The following ARL6 variants were observed in gnomAD, a reference collection of about 807,000 sequenced individuals.
ARL6 encodes the protein ARF like GTPase 6, also known as ADP-ribosylation factor-like protein 6.
ARL6 carries 18 observed loss-of-function variants against 27.1 expected under a neutral mutation model. The observed-to-expected ratio is 0.66, with a 90% confidence interval of 0.46 to 0.98. ARL6 has a LOEUF of 0.98. Among genes scored for constraint, ARL6 ranks in the 50% least tolerant of loss-of-function variants. The probability of loss-of-function intolerance (pLI) is 0.00; values close to 1 mark genes in which losing one functional copy is unlikely to be tolerated. For synonymous variants in ARL6, 65 were observed against 72.3 expected (o/e 0.90, Z 0.51); for missense variants, 187 against 214.9 (o/e 0.87, Z 0.81).
chr3:97,769,384 A>G (rs892403602), intron 2 of ARL6, among the ~76,000 whole-genome samples: 5 of 151,888 alleles, frequency 3.3e-5, no homozygotes, highest in Admixed American at 6.6e-5. Flanking sequence ...TCCACTACCA[A>G]TCTTTATTGT....
At chr3:97,786,231 T>C (rs2037453101) in intron 5 of ARL6, among the ~76,000 whole-genome samples, 1 of 151,618 alleles carries the variant, frequency 6.6e-6, no homozygotes, top group African/African-American at 2.4e-5. Flanking sequence ...TGTAATCCCA[T>C]ATGCTCAGGA....
intron 7 of ARL6, among the ~76,000 whole-genome samples, chr3:97,794,176 T>TG (rs1366356928): frequency 1.6e-4 from 20 of 122,076 alleles, no homozygotes; most frequent in East Asian, 1.4e-3. Context: ...TTTTCTTTCT[T>TG]TTGTGTGTGT....
chr3:97,792,268 C>T (rs576519942), intron 7 of ARL6, among the ~76,000 whole-genome samples: 11 of 152,096 alleles, frequency 7.2e-5, no homozygotes, highest in Non-Finnish European at 1.2e-4. Flanking sequence ...CCGAGGCAGG[C>T]GGATCATGAG....
chr3:97,776,760 G>A (rs1018418526), intron 2 of ARL6, among the ~76,000 whole-genome samples: 3 of 152,008 alleles, frequency 2.0e-5, no homozygotes, highest in African/African-American at 7.2e-5. Context: ...GGGTTCAAGT[G>A]ATTCTGCTAC....
At chr3:97,793,276 C>T (rs2037832482) in intron 7 of ARL6, 1 of 152,134 alleles carries the variant, frequency 6.6e-6, no homozygotes. Flanking sequence ...CTCAGAAGAA[C>T]TACGGGATTT....
intron 4 of ARL6, among the ~76,000 whole-genome samples, chr3:97,784,418 G>A (rs1391656267): frequency 6.6e-6 from 1 of 150,640 alleles, no homozygotes; most frequent in Non-Finnish European, 1.5e-5. Flanking sequence ...AATACAAAAT[G>A]TATTTCTCAC....
At chr3:97,771,720 A>G (rs2036645256) in intron 2 of ARL6, among the ~76,000 whole-genome samples, 1 of 151,328 alleles carries the variant, frequency 6.6e-6, no homozygotes, top group South Asian at 2.1e-4. Context: ...TTTTAATCCA[A>G]TTTGTTGAGA....
In ARL6 at chr3:97,780,604, T is replaced by G. The variant is rs370656150; in HGVS notation, c.186-11T>G. 1.9e-5 allele frequency: 30 copies of G among 1,611,040 alleles called. No individual in the cohort carries two copies. The highest frequency in any genetic ancestry group is 4.0e-5 in the African/African-American group (3 of 74,974). Reference sequence around the variant, plus strand: ...GTTTATAATGTAGTCATGTTTTGCTTCTTTTTGTAGTTTGTCATTTACAGT... The same window carrying G: ...GTTTATAATGTAGTCATGTTTTGCTGCTTTTTGTAGTTTGTCATTTACAGT... On this transcript the variant is annotated splice_polypyrimidine_tract_variant and intron_variant, in intron 3 of 7. Coordinates refer to ENST00000463745, the MANE Select transcript of ARL6 (RefSeq NM_001278293.3).
At chr3:97,765,722 A>C (rs1281808784) in intron 1 of ARL6, among the ~76,000 whole-genome samples, 1 of 152,212 alleles carries the variant, frequency 6.6e-6, no homozygotes, top group East Asian at 1.9e-4. Context: ...TTATTTTCAA[A>C]AATTCGGATT....
At chr3:97,784,100 A>G (rs867237143) in intron 4 of ARL6, among the ~76,000 whole-genome samples, 3 of 152,040 alleles carry the variant, frequency 2.0e-5, no homozygotes, top group Middle Eastern at 6.8e-3. Context: ...TATTTGCCTT[A>G]AAGTTTTTCA....
At chr3:97,781,449 T>G (rs184217903) in intron 4 of ARL6, among the ~76,000 whole-genome samples, 1 of 152,218 alleles carries the variant, frequency 6.6e-6, no homozygotes, top group Non-Finnish European at 1.5e-5. Flanking sequence ...CAAACTACTG[T>G]ATTGAAAGCA....
At chr3:97,784,143 C>T (rs1362583465) in intron 4 of ARL6, among the ~76,000 whole-genome samples, 2 of 151,648 alleles carry the variant, frequency 1.3e-5, no homozygotes, top group African/African-American at 4.8e-5. Flanking sequence ...CCTAAAAGTC[C>T]AGCAACAAAT....
rs1167052255 is a variant in ARL6, at chr3:97,799,779, A to G, written c.*1730A>G. On this transcript the variant is annotated 3_prime_UTR_variant, in exon 8 of 8. Transcript: ENST00000463745. ...AACTGAGGCGTTAAAATGTTATGTA[A>G]TTTGCCAAAGTTCAAAAAGCTGGTA... 1 of 152,142 alleles carries G rather than the reference A, an allele frequency of 6.6e-6. No individual in the cohort carries two copies. The highest frequency in any genetic ancestry group is 1.5e-5 in the Non-Finnish European group (1 of 67,984). The allele number at this position is 152,142 out of a possible 1,614,324, so 9.4% of individuals were successfully genotyped here. A position where few individuals can be genotyped will look rare whatever the true frequency, so the allele number is the denominator to read the frequency against.
chr3:97,794,182 T>G (rs530446340), intron 7 of ARL6, among the ~76,000 whole-genome samples: 4 of 148,784 alleles, frequency 2.7e-5, no homozygotes, highest in African/African-American at 7.5e-5. Context: ...TTCTTTTGTG[T>G]GTGTGTGTGT....
chr3:97,793,946 C>T (rs990686700), intron 7 of ARL6, among the ~76,000 whole-genome samples: 1 of 151,208 alleles, frequency 6.6e-6, no homozygotes, highest in Non-Finnish European at 1.5e-5. Context: ...ACATCTGTTA[C>T]CTTGTGAAGA....
intron 6 of ARL6, 107 bp downstream of exon 6, chr3:97,788,226 G>A: frequency 8.6e-7 from 1 of 1,159,742 alleles, no homozygotes; most frequent in African/African-American, 1.6e-5. Flanking sequence ...AAACATGGTG[G>A]CATATAAGCT....
chr3:97,781,492 C>G (rs541001172), intron 4 of ARL6, among the ~76,000 whole-genome samples: 1 of 151,936 alleles, frequency 6.6e-6, no homozygotes, highest in East Asian at 1.9e-4. Context: ...CATTGTATTA[C>G]GTATTATAAG....
intron 2 of ARL6, among the ~76,000 whole-genome samples, chr3:97,776,120 G>A (rs1421540599): frequency 6.6e-6 from 1 of 152,322 alleles, no homozygotes; most frequent in African/African-American, 2.4e-5. Context: ...GTGTTCCCAT[G>A]TTGAAGGCAC....
chr3:97,768,333 G>C, intron 2 of ARL6, 103 bp downstream of exon 2: 1 of 1,281,134 alleles, frequency 7.8e-7, no homozygotes, highest in Non-Finnish European at 1.1e-6. Flanking sequence ...ATCACATTAA[G>C]ATATTCTGTT....
Sources: allele counts gnomAD v4.1 joint callset (sites outside exome capture counted in the v4.1 genomes callset), GRCh38; gene constraint gnomAD v4.1.1; transcripts MANE v1.5; gene names NCBI Gene and HGNC (gene_info 2026-07-23, HGNC 2026-07-21).